The following NPPC variants were observed in gnomAD, a reference collection of about 807,000 sequenced individuals.
The protein encoded by NPPC is C-type natriuretic peptide.
In NPPC, 4 loss-of-function variants were observed where a neutral mutation model predicts 10.2. That is an observed-to-expected ratio of 0.39 (90% CI 0.19 to 0.90). The LOEUF is 0.90. Among genes scored for constraint, NPPC ranks in the 40% least tolerant of loss-of-function variants. NPPC has a pLI of 0.37. For missense variants in NPPC, 182 were observed against 173.8 expected, an observed-to-expected ratio of 1.05 and a Z score of -0.26; for synonymous variants, 83 against 87.3, an observed-to-expected ratio of 0.95 and a Z score of 0.27.
intron 2 of NPPC, among the ~76,000 whole-genome samples, chr2:231,923,039 G>C (rs1467447280): frequency 1.3e-5 from 2 of 152,212 alleles, no homozygotes; most frequent in East Asian, 3.8e-4. Flanking sequence ...TGGGCTCTGA[G>C]TGTTGTTAGG....
intron 1 of NPPC, 146 bp from the exon 2 acceptor site, chr2:231,925,861 C>A: frequency 4.9e-6 from 5 of 1,024,318 alleles, no homozygotes; most frequent in Non-Finnish European, 5.3e-6. Context: ...CTTGGCCCCG[C>A]ATCCACCTGC....
At chr2:231,923,943 GGA>G (rs1225916243) in intron 2 of NPPC, among the ~76,000 whole-genome samples, 1 of 152,264 alleles carries the variant, frequency 6.6e-6, no homozygotes, top group Non-Finnish European at 1.5e-5. Context: ...TGTTTAGACA[GGA>G]GAGAAGAGAG....
At chr2:231,924,899 C>T (rs1691979125) in intron 2 of NPPC, among the ~76,000 whole-genome samples, 1 of 152,242 alleles carries the variant, frequency 6.6e-6, no homozygotes. Flanking sequence ...AGTTTGCCCA[C>T]TGCCTGGGTT....
rs1288276614 is a variant in NPPC at position 231,921,908 on chromosome 2, T to C, written c.*428A>G. The C allele has an allele frequency of 6.6e-6, 1 of 151,868 alleles. No homozygotes were observed. The highest frequency in any genetic ancestry group is 1.5e-5 in the Non-Finnish European group (1 of 67,986). 9.4% of individuals were successfully genotyped at this position (151,868 alleles called of 1,614,324 possible). A position where few individuals can be genotyped will look rare whatever the true frequency, so the allele number is the denominator to read the frequency against. ...GATTGACTTCTTTCATTTAGTTACA[T>C]AAATAAAATTTTTATAAATATCTCT... is the stretch of plus-strand genomic sequence containing the variant. On this transcript the variant is annotated 3_prime_UTR_variant, in exon 3 of 3. Transcript: ENST00000409852.
intron 2 of NPPC, among the ~76,000 whole-genome samples, chr2:231,923,811 T>C (rs1691963073): frequency 6.6e-6 from 1 of 152,202 alleles, no homozygotes; most frequent in Admixed American, 6.5e-5. Context: ...AAAGCCCCTG[T>C]GGGGATGCGC....
At chr2:231,922,908 C>T (rs1344694616) in intron 2 of NPPC, among the ~76,000 whole-genome samples, 1 of 152,200 alleles carries the variant, frequency 6.6e-6, no homozygotes, top group Non-Finnish European at 1.5e-5. Context: ...TCACAGCTGC[C>T]ACCCAGTAAA....
chr2:231,925,404 C>A lies in NPPC; in HGVS notation c.*20+1G>T. 6.3e-7 allele frequency: 1 copy of A among 1,582,310 alleles called. No individual in the cohort carries two copies. The highest frequency in any genetic ancestry group is 8.6e-7 in the Non-Finnish European group (1 of 1,162,852). On this transcript the variant is annotated splice_donor_variant, in intron 2 of 2. Coordinates refer to ENST00000409852, the MANE Select transcript of NPPC (RefSeq NM_024409.4). LOFTEE classifies it low-confidence loss of function (3UTR_SPLICE). ...CTGGGCGTCGGGTGGGCCGTACTCA[C>A]CGCCGCCAGGGGGCGCCGCACTAAC...
At chr2:231,926,098 T>G in intron 1 of NPPC, 62 bp downstream of exon 1, 1 of 1,176,262 alleles carries the variant, frequency 8.5e-7, no homozygotes, top group Non-Finnish European at 1.1e-6. Context: ...GCGCGCCGCA[T>G]TCTCCAAGCC....
At position 231,926,272 on chromosome 2, in the gene NPPC, G is replaced by A. The variant is rs1408839195; in HGVS notation, c.-23C>T. 2 of 1,271,704 alleles carry A rather than the reference G, an allele frequency of 1.6e-6. No homozygotes were observed. The highest frequency in any genetic ancestry group is 5.9e-5 in the South Asian group (2 of 34,042). 78.8% of individuals were successfully genotyped at this position (1,271,704 alleles called of 1,614,324 possible). A position where few individuals can be genotyped will look rare whatever the true frequency, so the allele number is the denominator to read the frequency against. On this transcript the variant is annotated 5_prime_UTR_variant, in exon 1 of 3. Transcript: ENST00000409852. ...CATGGTGCCGCTGGGGTCGAGGGGC[G>A]CACACGGGCGGCAGCGAGGGCGCGC...
chr2:231,922,094 T>A lies in NPPC; in HGVS notation c.*242A>T, dbSNP rs1027042219. Reference sequence around the variant, plus strand: ...GTGTTTCATGTATATAATATATATATAATATATAACTTTTTATTTTTCATT... The same window carrying A: ...GTGTTTCATGTATATAATATATATAAAATATATAACTTTTTATTTTTCATT... On this transcript the variant is annotated 3_prime_UTR_variant, in exon 3 of 3. Coordinates refer to ENST00000409852, the MANE Select transcript of NPPC (RefSeq NM_024409.4). 2 of 150,490 alleles carry A rather than the reference T, an allele frequency of 1.3e-5. No homozygotes were observed. The highest frequency in any genetic ancestry group is 2.4e-5 in the African/African-American group (1 of 41,190). 9.3% of individuals were successfully genotyped at this position (150,490 alleles called of 1,614,324 possible).
intron 1 of NPPC, 95 bp from the exon 2 acceptor site, chr2:231,925,810 T>C: frequency 7.3e-7 from 1 of 1,360,652 alleles, no homozygotes. Flanking sequence ...GCGCGGGGTG[T>C]CCCTCCCAAG....
At position 231,926,293 on chromosome 2, in the gene NPPC, C is replaced by G; in HGVS notation, c.-44G>C. ...GGGCGCACACGGGCGGCAGCGAGGG[C>G]GCGCAGGTCGGCGGGCAGACCAGCA... On this transcript the variant is annotated 5_prime_UTR_variant, in exon 1 of 3. Transcript: ENST00000409852. The G allele has an allele frequency of 8.1e-7, 1 of 1,233,068 alleles. No homozygotes were observed. 76.4% of individuals were successfully genotyped at this position (1,233,068 alleles called of 1,614,324 possible).
At chr2:231,925,365 G>C (rs1362976955) in intron 2 of NPPC, 40 bp downstream of exon 2, 12 of 1,447,898 alleles carry the variant, frequency 8.3e-6, no homozygotes, top group Non-Finnish European at 6.3e-6. Flanking sequence ...GGGCGGTCCC[G>C]GGCCGGGCTG....
chr2:231,925,519 C>A lies in NPPC; in HGVS notation c.287G>T (p.Arg96Leu). ...ARLLQEHPNARKYKGANKKGL... is the reference protein window; with the variant it reads ...ARLLQEHPNALKYKGANKKGL... Reference sequence around the variant, plus strand: ...CTTCTTGTTGGCTCCTTTGTATTTGCGCGCGTTGGGGTGCTCTTGCAGAAG... The same window carrying A: ...CTTCTTGTTGGCTCCTTTGTATTTGAGCGCGTTGGGGTGCTCTTGCAGAAG... Residue 96 changes from arginine (R) to leucine (L), a missense_variant, in exon 2 of 3, where the codon CGC (arginine) becomes CTC (leucine). Coordinates refer to ENST00000409852, the MANE Select transcript of NPPC (RefSeq NM_024409.4). 1 of 1,612,980 alleles carries A rather than the reference C, an allele frequency of 6.2e-7. No homozygotes were observed. Among genetic ancestry groups the A allele is most frequent in the Non-Finnish European group, 8.5e-7 (1 of 1,179,688 alleles).
intron 2 of NPPC, among the ~76,000 whole-genome samples, 166 bp from the exon 3 acceptor site, chr2:231,922,481 G>GC (rs1559474271): frequency 1.3e-5 from 2 of 151,940 alleles, no homozygotes; most frequent in African/African-American, 2.4e-5. Flanking sequence ...GAGGGGAGGA[G>GC]CCCCCCATTG....
intron 2 of NPPC, among the ~76,000 whole-genome samples, chr2:231,922,601 A>C (rs539353765): frequency 8.5e-5 from 13 of 152,314 alleles, no homozygotes; most frequent in Admixed American, 3.9e-4. Flanking sequence ...CTTGGCACTC[A>C]GGGAAGCGCA....
In NPPC at chr2:231,925,754, G is replaced by A. The variant is rs146722480; in HGVS notation, c.91-39C>T. 1,261 of 1,485,328 alleles carry A rather than the reference G, an allele frequency of 8.5e-4. 13 individuals are homozygous for A. The African/African-American group carries it at 0.015, about 18-fold the overall frequency. The allele number at this position is 1,485,328 out of a possible 1,614,324, so 92.0% of individuals were successfully genotyped here. On this transcript the variant is annotated intron_variant, in intron 1 of 2. Coordinates refer to ENST00000409852, the MANE Select transcript of NPPC (RefSeq NM_024409.4). ...GAGCGGGCAGGTGAAGGGACACGCG[G>A]CTGCAGCACGGGGGACTCTGATGCT...
intron 2 of NPPC, among the ~76,000 whole-genome samples, chr2:231,923,512 A>G (rs1427801911): frequency 6.6e-6 from 1 of 152,208 alleles, no homozygotes; most frequent in Non-Finnish European, 1.5e-5. Context: ...CTCACTGGGA[A>G]TGGGGGGCAG....
At chr2:231,922,962 G>C (rs751648709) in intron 2 of NPPC, among the ~76,000 whole-genome samples, 1 of 152,188 alleles carries the variant, frequency 6.6e-6, no homozygotes, top group Non-Finnish European at 1.5e-5. Flanking sequence ...AAAGGGTCTG[G>C]GTCCAGGTCC....
Sources: allele counts gnomAD v4.1 joint callset (sites outside exome capture counted in the v4.1 genomes callset), GRCh38; gene constraint gnomAD v4.1.1; transcripts MANE v1.5; gene names NCBI Gene and HGNC (gene_info 2026-07-23, HGNC 2026-07-21).